MSH3: variants seen among roughly 807,000 people sequenced by gnomAD.
MSH3 encodes DNA mismatch repair protein Msh3.
In MSH3, 106 loss-of-function variants were observed where a neutral mutation model predicts 123.3. The observed-to-expected ratio is 0.86, with a 90% CI of 0.73 to 1.01. The LOEUF is 1.01. MSH3 is among the 50% of genes least tolerant of loss of function. The pLI is 0.00. For synonymous variants in MSH3, 515 were observed against 481.4 expected (o/e 1.07, Z -0.91); for missense variants, 1,459 against 1,347.6 (o/e 1.08, Z -1.29).
At chr5:80,869,826 A>C (rs1191589476) in intron 22 of MSH3, among the ~76,000 whole-genome samples, 2 of 42,388 alleles carry the variant, frequency 4.7e-5, no homozygotes, top group East Asian at 2.9e-3. Context: ...ATATATATAC[A>C]TATATACATA....
chr5:80,710,893 C>A (rs1013824186), intron 8 of MSH3, among the ~76,000 whole-genome samples: 1 of 152,198 alleles, frequency 6.6e-6, no homozygotes, highest in Non-Finnish European at 1.5e-5. Context: ...CCTCCCCCTT[C>A]GAGTGTTCCC....
intron 18 of MSH3, among the ~76,000 whole-genome samples, chr5:80,791,546 G>A (rs1744605898): frequency 6.6e-6 from 1 of 152,070 alleles, no homozygotes; most frequent in African/African-American, 2.4e-5. Flanking sequence ...GGAGAATATG[G>A]AATAAAACTT....
At chr5:80,808,861 A>ATATATATATATATCTATATATATATC (rs1248778231) in intron 19 of MSH3, among the ~76,000 whole-genome samples, 16,075 of 100,954 alleles carry the variant, frequency 0.16, 1,234 homozygotes, top group South Asian at 0.25. Flanking sequence ...TCTTCTTCAT[A>ATATATATATATATCTATATATATATC]TATATATATA....
intron 18 of MSH3, among the ~76,000 whole-genome samples, chr5:80,788,193 T>C (rs545328476): frequency 6.6e-6 from 1 of 152,332 alleles, no homozygotes; most frequent in South Asian, 2.1e-4. Context: ...CCCAGCACTT[T>C]GGGAGGCTGA....
intron 8 of MSH3, among the ~76,000 whole-genome samples, chr5:80,685,086 G>T (rs1472516302): frequency 6.6e-6 from 1 of 151,400 alleles, no homozygotes; most frequent in Non-Finnish European, 1.5e-5. Flanking sequence ...GAGGATTTTC[G>T]CATCAATATT....
intron 2 of MSH3, among the ~76,000 whole-genome samples, chr5:80,660,974 T>A (rs1397913054): frequency 6.6e-6 from 1 of 152,094 alleles, no homozygotes; most frequent in Non-Finnish European, 1.5e-5. Flanking sequence ...AATTTTTGTA[T>A]TTTTAATAGA....
intron 17 of MSH3, among the ~76,000 whole-genome samples, chr5:80,786,041 T>A (rs571193367): frequency 2.0e-4 from 30 of 152,028 alleles, no homozygotes; most frequent in African/African-American, 7.2e-4. Flanking sequence ...TACCTAACGC[T>A]AGATGACGAG....
intron 19 of MSH3, among the ~76,000 whole-genome samples, chr5:80,795,981 CAA>C (rs1269834782): frequency 1.3e-4 from 13 of 100,422 alleles, no homozygotes; most frequent in Non-Finnish European, 1.4e-4. Context: ...GAGACTGTCT[CAA>C]AAAAAAAAAA....
chr5:80,791,525 C>T (rs1744605644), intron 18 of MSH3, among the ~76,000 whole-genome samples: 1 of 152,096 alleles, frequency 6.6e-6, no homozygotes, highest in Admixed American at 6.5e-5. Context: ...ATATATATGC[C>T]TTGAAAACCA....
At chr5:80,869,980 C>T (rs950146831) in intron 22 of MSH3, among the ~76,000 whole-genome samples, 2 of 150,980 alleles carry the variant, frequency 1.3e-5, no homozygotes, top group Non-Finnish European at 1.5e-5. Flanking sequence ...TCAAGACCAG[C>T]CTGACCAACA....
chr5:80,842,832 C>T (rs1745651416), intron 20 of MSH3, among the ~76,000 whole-genome samples: 1 of 152,126 alleles, frequency 6.6e-6, no homozygotes, highest in African/African-American at 2.4e-5. Context: ...TCTAAATATG[C>T]AATCATGTCA....
chr5:80,766,330 G>GTTTTTTAGCTTTTTTTTTTTTT, intron 13 of MSH3, among the ~76,000 whole-genome samples: 1 of 117,078 alleles, frequency 8.5e-6, no homozygotes, highest in Non-Finnish European at 1.8e-5. Context: ...TTTCTAGTGT[G>GTTTTTTAGCTTTTTTTTTTTTT]TTTTTTTCCT....
Position 80,797,803 on chromosome 5 carries a change from G to A in MSH3, c.2655+4959G>A, listed in dbSNP as rs1381168778. ...GGAGGCTGGCCCAGGGACTGTGGCCGCCCCAGCCCCACCCACCACCTGTGG... is the reference window on the plus strand; with the variant it reads ...GGAGGCTGGCCCAGGGACTGTGGCCACCCCAGCCCCACCCACCACCTGTGG... On this transcript the variant is annotated intron_variant, in intron 19 of 23. Coordinates refer to ENST00000265081, the MANE Select transcript of MSH3 (RefSeq NM_002439.5). 3.9e-5 allele frequency among the ~76,000 whole-genome samples: 6 copies of A among 152,216 alleles called. No individual in the cohort carries two copies. The South Asian group carries it at 1.0e-3, about 26-fold the overall frequency.
At chr5:80,681,527 T>A (rs961692563) in intron 8 of MSH3, among the ~76,000 whole-genome samples, 3 of 151,768 alleles carry the variant, frequency 2.0e-5, no homozygotes, top group East Asian at 1.9e-4. Context: ...ACTGAAAAAA[T>A]GAATATAGAA....
At chr5:80,827,923 T>C (rs1021600988) in intron 20 of MSH3, among the ~76,000 whole-genome samples, 3 of 152,172 alleles carry the variant, frequency 2.0e-5, no homozygotes, top group Non-Finnish European at 4.4e-5. Context: ...AGAGCAGTTT[T>C]AGGCTTACAC....
At chr5:80,763,955 T>C (rs1744083949) in intron 13 of MSH3, among the ~76,000 whole-genome samples, 1 of 152,246 alleles carries the variant, frequency 6.6e-6, no homozygotes, top group South Asian at 2.1e-4. Context: ...TCCTTGTTGC[T>C]GTTTTAGTGT....
intron 21 of MSH3, among the ~76,000 whole-genome samples, chr5:80,864,451 A>G (rs1283064867): frequency 2.6e-5 from 4 of 152,160 alleles, no homozygotes; most frequent in Non-Finnish European, 4.4e-5. Context: ...GGAACTGTAT[A>G]TGTTATATAA....
rs113260357 is a variant in MSH3 at position 80,840,909 on chromosome 5, CT to C, written c.2814-13212del. On this transcript the variant is annotated intron_variant, in intron 20 of 23. Coordinates refer to ENST00000265081, the MANE Select transcript of MSH3 (RefSeq NM_002439.5). ...TTTTTTTTAAATTTTAAGAAATGCT[CT>C]TTTTTTTTAATATACTTTAAGTTCT... Among the ~76,000 whole-genome samples the C allele has an allele frequency of 2.9e-3, 395 of 138,026 alleles. 4 individuals carry two copies. The highest frequency in any genetic ancestry group is 8.9e-3 in the African/African-American group (327 of 36,948). The allele number at this position is 138,026 out of a possible 152,430, so 90.6% of individuals were successfully genotyped here.
chr5:80,840,332 C>T (rs1396608648), intron 20 of MSH3, among the ~76,000 whole-genome samples: 1 of 152,194 alleles, frequency 6.6e-6, no homozygotes. Context: ...CTAGGCATCC[C>T]AGTCTAAAAC....
Sources: gnomAD v4.1 joint callset for allele counts (sites outside exome capture counted in the v4.1 genomes callset) on GRCh38, gnomAD v4.1.1 for gene constraint, MANE v1.5 for transcripts, NCBI Gene and HGNC (gene_info 2026-07-23, HGNC 2026-07-21) for gene names.